PDE10A: variants seen among roughly 807,000 people sequenced by gnomAD.
PDE10A encodes the protein cAMP and cAMP-inhibited cGMP 3',5'-cyclic phosphodiesterase 10A.
PDE10A carries 39 observed loss-of-function variants against 97.7 expected under a neutral mutation model. That is an observed-to-expected ratio of 0.40 (90% CI 0.31 to 0.52). The LOEUF (loss-of-function observed/expected upper bound fraction) is 0.52. PDE10A is among the 20% of genes least tolerant of loss of function. The pLI is 0.56. For missense variants in PDE10A, 731 were observed against 1,047.8 expected, an observed-to-expected ratio of 0.70 and a Z score of 4.17; for synonymous variants, 371 against 376.8, an observed-to-expected ratio of 0.98 and a Z score of 0.18.
chr6:165,565,527 G>GTGCAA (rs1234676699), intron 1 of PDE10A, among the ~76,000 whole-genome samples: 1 of 152,106 alleles, frequency 6.6e-6, no homozygotes, highest in African/African-American at 2.4e-5. Flanking sequence ...TCTACACTCA[G>GTGCAA]TGCAATCAAA....
At chr6:165,650,995 C>G (rs956481142) in intron 1 of PDE10A, among the ~76,000 whole-genome samples, 3 of 152,176 alleles carry the variant, frequency 2.0e-5, no homozygotes, top group South Asian at 2.1e-4. Flanking sequence ...CTCGGCCTCC[C>G]AAAGTGCTGG....
intron 1 of PDE10A, among the ~76,000 whole-genome samples, chr6:165,728,076 C>A (rs545737310): frequency 6.6e-6 from 1 of 152,096 alleles, no homozygotes; most frequent in Non-Finnish European, 1.5e-5. Flanking sequence ...ACATACACAC[C>A]CTTTTCAGAC....
At chr6:165,531,916 A>G (rs1782802084) in intron 2 of PDE10A, among the ~76,000 whole-genome samples, 1 of 152,360 alleles carries the variant, frequency 6.6e-6, no homozygotes, top group Admixed American at 6.5e-5. Flanking sequence ...TCTTAAAATA[A>G]GAAAAATAAT....
chr6:165,972,805 C>A (rs1784725523), intron 1 of PDE10A, among the ~76,000 whole-genome samples: 1 of 152,144 alleles, frequency 6.6e-6, no homozygotes, highest in African/African-American at 2.4e-5. Context: ...TTTATTGTGA[C>A]CAAGATACCT....
chr6:165,949,397 A>T (rs1234104420), intron 1 of PDE10A: 1 of 152,286 alleles, frequency 6.6e-6, no homozygotes, highest in Non-Finnish European at 1.5e-5. Context: ...CGGCTCAAAC[A>T]GCAACACACA....
intron 2 of PDE10A, among the ~76,000 whole-genome samples, chr6:165,507,969 T>A (rs574233225): frequency 6.6e-6 from 1 of 152,126 alleles, no homozygotes; most frequent in Non-Finnish European, 1.5e-5. Context: ...TCAACTTATG[T>A]AGATATATTT....
At chr6:165,709,330 T>A (rs1422320555) in intron 1 of PDE10A, among the ~76,000 whole-genome samples, 2 of 102,132 alleles carry the variant, frequency 2.0e-5, no homozygotes, top group African/African-American at 7.6e-5. Context: ...TCCACCGCTA[T>A]GCTGTGGTGC....
chr6:165,452,888 TGGTGA>T (rs1777718429), intron 3 of PDE10A, among the ~76,000 whole-genome samples: 2 of 140,848 alleles, frequency 1.4e-5, no homozygotes, highest in Admixed American at 1.4e-4. Flanking sequence ...AGGGAAATTC[TGGTGA>T]GGGTTTAGAA....
intron 1 of PDE10A, among the ~76,000 whole-genome samples, chr6:165,825,927 T>C (rs535391234): frequency 1.3e-5 from 2 of 152,334 alleles, no homozygotes; most frequent in South Asian, 4.1e-4. Flanking sequence ...TCCCTTTTTT[T>C]TCTCAGAGAT....
chr6:165,390,037 A>T (rs1286115366), intron 16 of PDE10A, among the ~76,000 whole-genome samples: 4 of 152,220 alleles, frequency 2.6e-5, no homozygotes, highest in African/African-American at 9.6e-5. Flanking sequence ...ATATTGACTC[A>T]ATGTGTTAGT....
intron 1 of PDE10A, among the ~76,000 whole-genome samples, chr6:165,623,551 G>A (rs559178204): frequency 6.6e-6 from 1 of 152,066 alleles, no homozygotes; most frequent in East Asian, 1.9e-4. Context: ...ATGCTATCAA[G>A]GGAAGCACAT....
At chr6:165,958,599 AAG>A (rs201232553) in intron 1 of PDE10A, among the ~76,000 whole-genome samples, 9 of 36,102 alleles carry the variant, frequency 2.5e-4, no homozygotes, top group South Asian at 1.5e-3. Flanking sequence ...GAGAGAAAGA[AAG>A]AGAGAAAGGA....
chr6:165,877,487 T>G (rs1288544563), intron 1 of PDE10A, among the ~76,000 whole-genome samples: 1 of 152,130 alleles, frequency 6.6e-6, no homozygotes, highest in African/African-American at 2.4e-5. Flanking sequence ...TTCCCGAAAT[T>G]CTCTTCTCGC....
At chr6:165,517,288 C>CT (rs891943222) in intron 2 of PDE10A, among the ~76,000 whole-genome samples, 23 of 152,168 alleles carry the variant, frequency 1.5e-4, no homozygotes, top group African/African-American at 5.1e-4. Flanking sequence ...TCTTACAAGT[C>CT]TTAAATAGAC....
intron 3 of PDE10A, among the ~76,000 whole-genome samples, chr6:165,450,788 C>G (rs1199351474): frequency 1.3e-5 from 2 of 152,142 alleles, no homozygotes; most frequent in East Asian, 3.9e-4. Context: ...CTCGAAAACT[C>G]CTGAGCTCAA....
At chr6:165,869,590 A>T (rs917601978) in intron 1 of PDE10A, among the ~76,000 whole-genome samples, 1 of 152,216 alleles carries the variant, frequency 6.6e-6, no homozygotes, top group Admixed American at 6.5e-5. Context: ...GAAATGGAAA[A>T]AGTAATCCTT....
intron 2 of PDE10A, among the ~76,000 whole-genome samples, chr6:165,535,618 TGTAC>T (rs1178141088): frequency 2.6e-5 from 4 of 151,580 alleles, no homozygotes; most frequent in Middle Eastern, 3.4e-3. Context: ...TGTGTGTGTG[TGTAC>T]ACACACATTT....
intron 1 of PDE10A, among the ~76,000 whole-genome samples, chr6:165,620,282 C>T (rs1788062462): frequency 6.6e-6 from 1 of 152,114 alleles, no homozygotes; most frequent in Non-Finnish European, 1.5e-5. Flanking sequence ...TCTCCCACCC[C>T]CACCCTGGCC....
intron 1 of PDE10A, among the ~76,000 whole-genome samples, chr6:165,982,195 A>C (rs1448709281): frequency 6.6e-6 from 1 of 152,204 alleles, no homozygotes; most frequent in Non-Finnish European, 1.5e-5. Flanking sequence ...CTATGGCTCA[A>C]GAAATTGAAG....
Sources: gnomAD v4.1 joint callset for allele counts (sites outside exome capture counted in the v4.1 genomes callset) on GRCh38, gnomAD v4.1.1 for gene constraint, MANE v1.5 for transcripts, NCBI Gene and HGNC (gene_info 2026-07-23, HGNC 2026-07-21) for gene names.